ZBTB5: variants seen among roughly 807,000 people sequenced by gnomAD.
The protein encoded by ZBTB5 is zinc finger and BTB domain containing 5, also known as zinc finger and BTB domain-containing protein 5.
A neutral mutation model predicts 37.9 loss-of-function variants in ZBTB5; 15 were observed. That is an observed-to-expected ratio of 0.40 (90% confidence interval 0.26 to 0.61). The LOEUF is 0.61. Among genes scored for constraint, ZBTB5 ranks in the 20% least tolerant of loss-of-function variants. The probability of loss-of-function intolerance (pLI) is 0.47; values close to 1 mark genes in which losing one functional copy is unlikely to be tolerated. For missense variants in ZBTB5, 708 were observed against 856.8 expected (o/e 0.83, Z 2.17); for synonymous variants, 315 against 312.4 (o/e 1.01, Z -0.09).
At chr9:37,445,508 A>C (rs144415836) in intron 1 of ZBTB5, among the ~76,000 whole-genome samples, 11 of 152,020 alleles carry the variant, frequency 7.2e-5, no homozygotes, top group African/African-American at 2.7e-4. Flanking sequence ...ACAATTAGCC[A>C]GGCATGGTGG....
In ZBTB5 at chr9:37,459,003, A is replaced by T. The variant is rs531756629; in HGVS notation, c.-5+6212T>A. ...AAAATTATCTGAAAAATCTACTGAA[A>T]TAATCCTCCCTTTCCAACTACATAT... is the stretch of plus-strand genomic sequence containing the variant. On this transcript the variant is annotated intron_variant, in intron 1 of 1. Coordinates refer to ENST00000307750, the MANE Select transcript of ZBTB5 (RefSeq NM_014872.3). Among the ~76,000 whole-genome samples the T allele has an allele frequency of 1.6e-4, 24 of 152,356 alleles. No homozygotes were observed. In the South Asian group the frequency reaches 5.0e-3, roughly 32 times the overall value.
chr9:37,443,458 G>A (rs1196459734), intron 1 of ZBTB5, among the ~76,000 whole-genome samples: 2 of 152,156 alleles, frequency 1.3e-5, no homozygotes, highest in Admixed American at 1.3e-4. Flanking sequence ...AGTGCTAACT[G>A]ACTCAGCACA....
At chr9:37,455,777 G>A (rs937174798) in intron 1 of ZBTB5, among the ~76,000 whole-genome samples, 9 of 151,994 alleles carry the variant, frequency 5.9e-5, no homozygotes, top group African/African-American at 1.5e-4. Flanking sequence ...TTGTAGAGAC[G>A]ATATAGATGA....
intron 1 of ZBTB5, among the ~76,000 whole-genome samples, chr9:37,446,478 C>T (rs1157828022): frequency 6.6e-6 from 1 of 152,246 alleles, no homozygotes; most frequent in African/African-American, 2.4e-5. Flanking sequence ...GCAGCAGACA[C>T]ATGTTGGCCA....
In ZBTB5 at chr9:37,440,178, A is replaced by C. The variant is rs1261438249; in HGVS notation, c.*340T>G. On this transcript the variant is annotated 3_prime_UTR_variant, in exon 2 of 2. Transcript: ENST00000307750. ...AGAAGGTATAGGAAATTTAAATGCT[A>C]CACAGTTTTACAAAAATTGCTAAAA... 3 of 302,472 alleles carry C rather than the reference A, an allele frequency of 9.9e-6. No homozygotes were observed. The highest frequency in any genetic ancestry group is 1.9e-5 in the Non-Finnish European group (3 of 159,596). 18.7% of individuals were successfully genotyped at this position (302,472 alleles called of 1,614,324 possible). A position where few individuals can be genotyped will look rare whatever the true frequency, so the allele number is the denominator to read the frequency against.
Position 37,440,989 on chromosome 9 carries a change from C to T in ZBTB5, c.1563G>A (p.Met521Ile), listed in dbSNP as rs979864613. Reference protein sequence around the residue: ...LGLHSSFSRVMIGSPRGGASN... With the variant: ...LGLHSSFSRVIIGSPRGGASN... ...TGGCTCCTCCCCTTGGGGAACCTAT[C>T]ATTACCCTGGAGAAGGAGGAGTGGA... Residue 521 changes from methionine (M) to isoleucine (I), a missense_variant, in exon 2 of 2, where the codon ATG (methionine) becomes ATA (isoleucine). This residue lies in a region of ZBTB5 where 639 missense variants were observed against 690.5 expected (regional missense o/e 0.93). Transcript: ENST00000307750. 6.2e-7 allele frequency: 1 copy of T among 1,614,204 alleles called. No individual in the cohort carries two copies. Among genetic ancestry groups the T allele is most frequent in the Non-Finnish European group, 8.5e-7 (1 of 1,180,028 alleles).
At chr9:37,451,314 C>T (rs1005336529) in intron 1 of ZBTB5, among the ~76,000 whole-genome samples, 1 of 152,124 alleles carries the variant, frequency 6.6e-6, no homozygotes, top group Non-Finnish European at 1.5e-5. Context: ...CGACTACAAT[C>T]CCAGCATTTT....
At chr9:37,451,453 G>A (rs1261983508) in intron 1 of ZBTB5, among the ~76,000 whole-genome samples, 2 of 151,200 alleles carry the variant, frequency 1.3e-5, no homozygotes, top group Non-Finnish European at 2.9e-5. Flanking sequence ...AGTTATTTGG[G>A]AGGCTGAGGC....
At chr9:37,442,998 T>C (rs1314199530) in intron 1 of ZBTB5, among the ~76,000 whole-genome samples, 5 of 152,204 alleles carry the variant, frequency 3.3e-5, no homozygotes, top group African/African-American at 9.6e-5. Context: ...TTTCCAGTTA[T>C]AGATGGTAGC....
Position 37,443,072 on chromosome 9 carries a change from C to T in ZBTB5, c.-4-517G>A, listed in dbSNP as rs1191273836. ...AACCCCACTAAAATGACACGAAGCC[C>T]GGCATGGAGGCTCATGCCTGTAATC... On this transcript the variant is annotated intron_variant, in intron 1 of 1. Transcript: ENST00000307750. Among the ~76,000 whole-genome samples, 6 of 152,062 alleles carry T rather than the reference C, an allele frequency of 3.9e-5. No homozygotes were observed. In the South Asian group the frequency reaches 1.2e-3, roughly 32 times the overall value.
Position 37,439,999 on chromosome 9 carries a change from C to CT in ZBTB5, c.*518dup, listed in dbSNP as rs1191391139. ...TCAGGTAAAAATAAAAAATACAGTA[C>CT]TTTGAGGCCTAGGACTAGCTCATGA... On this transcript the variant is annotated 3_prime_UTR_variant, in exon 2 of 2. Transcript: ENST00000307750. 6.3e-6 allele frequency: 1 copy of CT among 158,610 alleles called. No individual in the cohort carries two copies. Among genetic ancestry groups the CT allele is most frequent in the Non-Finnish European group, 1.4e-5 (1 of 71,546 alleles). The allele number at this position is 158,610 out of a possible 1,614,324, so 9.8% of individuals were successfully genotyped here.
At chr9:37,459,000 G>A (rs1824239843) in intron 1 of ZBTB5, among the ~76,000 whole-genome samples, 1 of 152,180 alleles carries the variant, frequency 6.6e-6, no homozygotes. Context: ...AAAATCTACT[G>A]AAATAATCCT....
intron 1 of ZBTB5, among the ~76,000 whole-genome samples, chr9:37,462,811 G>A (rs1437012064): frequency 6.6e-6 from 1 of 151,994 alleles, no homozygotes; most frequent in Non-Finnish European, 1.5e-5. Context: ...CAATCTGCCC[G>A]CCTCAGCCTC....
At position 37,440,485 on chromosome 9, in the gene ZBTB5, C is replaced by T; in HGVS notation, c.*33G>A. 6.3e-7 allele frequency: 1 copy of T among 1,593,890 alleles called. No homozygotes were observed. The highest frequency in any genetic ancestry group is 8.6e-7 in the Non-Finnish European group (1 of 1,165,098). ...TACCAAAAGAAATTCAGTCTGACAA[C>T]TGGCCTCAGCGTTGTCTTGTAAGGA... On this transcript the variant is annotated 3_prime_UTR_variant, in exon 2 of 2. Transcript: ENST00000307750.
chr9:37,459,712 ATTT>A (rs35037575), intron 1 of ZBTB5, among the ~76,000 whole-genome samples: 15 of 119,870 alleles, frequency 1.3e-4, no homozygotes, highest in Admixed American at 1.7e-4. Context: ...TGCCCAGCTA[ATTT>A]TTTTTTTTTT....
intron 1 of ZBTB5, among the ~76,000 whole-genome samples, chr9:37,460,252 A>G (rs1368431787): frequency 1.3e-5 from 2 of 151,766 alleles, no homozygotes; most frequent in Non-Finnish European, 2.9e-5. Context: ...AGCCTGACCA[A>G]CATGGAGAAA....
At chr9:37,445,912 G>A (rs141542062) in intron 1 of ZBTB5, among the ~76,000 whole-genome samples, 28 of 152,066 alleles carry the variant, frequency 1.8e-4, no homozygotes, top group African/African-American at 6.7e-4. Flanking sequence ...ACCACCTTAG[G>A]CAACATGGCA....
At chr9:37,443,447 GA>G (rs1310138569) in intron 1 of ZBTB5, among the ~76,000 whole-genome samples, 4 of 152,132 alleles carry the variant, frequency 2.6e-5, no homozygotes, top group Non-Finnish European at 4.4e-5. Context: ...AGAGGTAAAT[GA>G]GTGCTAACTG....
rs1588771839 is a variant in ZBTB5 at position 37,439,000 on chromosome 9, A to ATACT, written c.*1514_*1517dup. 6.6e-6 allele frequency: 1 copy of ATACT among 152,278 alleles called. No homozygotes were observed. Among genetic ancestry groups the ATACT allele is most frequent in the Admixed American group, 6.5e-5 (1 of 15,292 alleles). The allele number at this position is 152,278 out of a possible 1,614,324, so 9.4% of individuals were successfully genotyped here. The stretch of plus-strand genomic sequence containing the variant: ...CGCTCATTTTTGTTTCCAGCTACAC[A>ATACT]TACTTAGCTTTCTAAACACAAAAAC... On this transcript the variant is annotated 3_prime_UTR_variant, in exon 2 of 2. Transcript: ENST00000307750.
Sources: allele counts gnomAD v4.1 joint callset (sites outside exome capture counted in the v4.1 genomes callset), GRCh38; gene constraint gnomAD v4.1.1; regional missense constraint gnomAD v4.1.1; transcripts MANE v1.5; gene names NCBI Gene and HGNC (gene_info 2026-07-23, HGNC 2026-07-21).